CCSER1: variants seen among roughly 807,000 people sequenced by gnomAD.
CCSER1 encodes serine-rich coiled-coil domain-containing protein 1.
A neutral mutation model predicts 82.0 loss-of-function variants in CCSER1; 41 were observed. The observed-to-expected ratio is 0.50, with a 90% CI of 0.39 to 0.65. The LOEUF is 0.65. Among genes scored for constraint, CCSER1 ranks in the 30% least tolerant of loss-of-function variants. The pLI is 0.00. For missense variants in CCSER1, 1,119 were observed against 1,064.2 expected (o/e 1.05, Z -0.72); for synonymous variants, 414 against 383.9 (o/e 1.08, Z -0.92).
chr4:90,423,965 C>A (rs1476266227), intron 4 of CCSER1, among the ~76,000 whole-genome samples: 1 of 150,744 alleles, frequency 6.6e-6, no homozygotes, highest in African/African-American at 2.4e-5. Flanking sequence ...GTGGCGGGCG[C>A]CTGTAGTACC....
rs374884244 is a variant in CCSER1 at position 90,401,829 on chromosome 4, G to A, written c.1603+1700G>A. 9.2e-5 allele frequency among the ~76,000 whole-genome samples: 14 copies of A among 152,198 alleles called. No individual in the cohort carries two copies. In the East Asian group the frequency reaches 9.7e-4, roughly 11 times the overall value. On this transcript the variant is annotated intron_variant, in intron 4 of 10. Coordinates refer to ENST00000509176, the MANE Select transcript of CCSER1 (RefSeq NM_001145065.2). ...CAAGTTTGAGTCACCATGGCCACCC[G>A]ATTGTAAGGATGTATTGTTGATAGA...
At chr4:91,378,207 G>A (rs1411860815) in intron 10 of CCSER1, among the ~76,000 whole-genome samples, 1 of 152,064 alleles carries the variant, frequency 6.6e-6, no homozygotes, top group Non-Finnish European at 1.5e-5. Context: ...TTGTTCTTTT[G>A]GCTTAGGATT....
rs536053208 is a variant in CCSER1 at position 91,439,453 on chromosome 4, G to T, written c.2218-159119G>T. Among the ~76,000 whole-genome samples, 356 of 151,888 alleles carry T rather than the reference G, an allele frequency of 2.3e-3. 2 individuals carry two copies. The highest frequency in any genetic ancestry group is 8.2e-3 in the African/African-American group (339 of 41,382). ...TGCTGAGAGACTTTGTCACCACCAG[G>T]CCTGCCCTAAAAGAGCTCCTGAAGG... On this transcript the variant is annotated intron_variant, in intron 10 of 10. Transcript: ENST00000509176.
chr4:90,599,123 A>G (rs2148738210), intron 5 of CCSER1, among the ~76,000 whole-genome samples: 2 of 152,160 alleles, frequency 1.3e-5, no homozygotes, highest in South Asian at 4.1e-4. Context: ...AGGAACTGTA[A>G]AGACTGCAGG....
chr4:91,162,781 C>T (rs1349408637), intron 10 of CCSER1, among the ~76,000 whole-genome samples: 1 of 152,118 alleles, frequency 6.6e-6, no homozygotes, highest in Non-Finnish European at 1.5e-5. Flanking sequence ...GTCATATCCC[C>T]TTTATCATTT....
Position 90,271,894 on chromosome 4 carries a change from AGG to A in CCSER1, c.-41-36349_-41-36348del, listed in dbSNP as rs1412618306. Among the ~76,000 whole-genome samples, 45 of 85,304 alleles carry A rather than the reference AGG, an allele frequency of 5.3e-4. 1 individual carries two copies. The South Asian group carries it at 0.02, about 39-fold the overall frequency. The allele number at this position is 85,304 out of a possible 152,430, so 56.0% of individuals were successfully genotyped here. On this transcript the variant is annotated intron_variant, in intron 1 of 10. Transcript: ENST00000509176. ...TTTTTTTTTTTTTTTTTTTTTTAAA[AGG>A]AGGTTTAATTGACTCACAGTTCTAG...
intron 10 of CCSER1, among the ~76,000 whole-genome samples, chr4:91,291,267 A>G (rs1743720984): frequency 6.6e-6 from 1 of 152,004 alleles, no homozygotes; most frequent in South Asian, 2.1e-4. Context: ...AATATAATTT[A>G]GATTTAGCAG....
chr4:91,274,128 T>C (rs1742244759), intron 10 of CCSER1, among the ~76,000 whole-genome samples: 1 of 152,218 alleles, frequency 6.6e-6, no homozygotes, highest in Admixed American at 6.5e-5. Flanking sequence ...TTTGGCATCT[T>C]ATTAAAAAAT....
intron 10 of CCSER1, among the ~76,000 whole-genome samples, chr4:91,283,828 C>T (rs1174818518): frequency 1.3e-5 from 2 of 151,952 alleles, no homozygotes; most frequent in Non-Finnish European, 2.9e-5. Context: ...TATGGAAGTG[C>T]TCCTGTACCT....
At chr4:90,808,918 T>C (rs1757876005) in intron 7 of CCSER1, among the ~76,000 whole-genome samples, 1 of 152,222 alleles carries the variant, frequency 6.6e-6, no homozygotes, top group Non-Finnish European at 1.5e-5. Flanking sequence ...GAAATCATTA[T>C]ATCAAAAAGA....
chr4:90,655,721 A>G (rs1729583532), intron 6 of CCSER1, among the ~76,000 whole-genome samples: 1 of 151,966 alleles, frequency 6.6e-6, no homozygotes, highest in African/African-American at 2.4e-5. Context: ...TGGATGCAAA[A>G]ATATAGCTTT....
At chr4:90,399,895 G>A in intron 3 of CCSER1, 141 bp from the exon 4 acceptor site, 3 of 499,400 alleles carry the variant, frequency 6.0e-6, no homozygotes, top group Admixed American at 3.3e-5. Context: ...AAGCCCATAG[G>A]TGTCAAATGA....
chr4:90,351,045 G>A (rs984230826), intron 3 of CCSER1, among the ~76,000 whole-genome samples: 2 of 152,034 alleles, frequency 1.3e-5, no homozygotes, highest in East Asian at 1.9e-4. Flanking sequence ...GGGCATGTTC[G>A]AAAGGGAAAA....
chr4:90,158,318 G>A (rs531440521), intron 1 of CCSER1, among the ~76,000 whole-genome samples: 2 of 152,292 alleles, frequency 1.3e-5, no homozygotes, highest in African/African-American at 4.8e-5. Context: ...GCTGCTCGGG[G>A]GTCAGGGGTC....
At chr4:91,272,090 T>C (rs1742080391) in intron 10 of CCSER1, among the ~76,000 whole-genome samples, 2 of 152,224 alleles carry the variant, frequency 1.3e-5, no homozygotes, top group Non-Finnish European at 2.9e-5. Context: ...AGTATCTTTT[T>C]CATATAATGA....
chr4:91,229,148 A>C (rs1437070081), intron 10 of CCSER1, among the ~76,000 whole-genome samples: 3 of 152,066 alleles, frequency 2.0e-5, no homozygotes, highest in Non-Finnish European at 4.4e-5. Context: ...GGAAAGGTAA[A>C]GGTTAAAAGA....
intron 1 of CCSER1, among the ~76,000 whole-genome samples, chr4:90,166,439 A>G (rs552697635): frequency 6.6e-6 from 1 of 152,158 alleles, no homozygotes; most frequent in Non-Finnish European, 1.5e-5. Context: ...ATAAGACAGT[A>G]TACCATATAC....
chr4:90,153,329 A>G (rs901851606), intron 1 of CCSER1, among the ~76,000 whole-genome samples: 16 of 152,084 alleles, frequency 1.1e-4, no homozygotes, highest in Non-Finnish European at 2.1e-4. Flanking sequence ...TATTGTGAAT[A>G]GTGCCGCAAT....
Position 91,385,190 on chromosome 4 carries a change from G to A in CCSER1, c.2218-213382G>A, listed in dbSNP as rs573863750. On this transcript the variant is annotated intron_variant, in intron 10 of 10. Transcript: ENST00000509176. ...GAAATTATGAAAATATCCAAACTTA[G>A]TTGAATAAACTATGGTAAAAACATA... 3.3e-5 allele frequency among the ~76,000 whole-genome samples: 5 copies of A among 152,014 alleles called. No homozygotes were observed. The East Asian group carries it at 7.7e-4, about 23-fold the overall frequency.
Sources: allele counts gnomAD v4.1 joint callset (sites outside exome capture counted in the v4.1 genomes callset), GRCh38; gene constraint gnomAD v4.1.1; transcripts MANE v1.5; gene names NCBI Gene and HGNC (gene_info 2026-07-23, HGNC 2026-07-21).